BTAF1: variants seen among roughly 807,000 people sequenced by gnomAD.
The protein encoded by BTAF1 is B-TFIID TATA-box binding protein associated factor 1.
A neutral mutation model predicts 227.1 loss-of-function variants in BTAF1; 38 were observed. The ratio of observed to expected loss-of-function variants is 0.17; its 90% CI spans 0.13 to 0.22. The LOEUF (loss-of-function observed/expected upper bound fraction) is 0.22. Among genes scored for constraint, BTAF1 ranks in the 10% least tolerant of loss-of-function variants. The pLI, the probability that BTAF1 is intolerant of heterozygous loss-of-function variation, is 1.00. For synonymous variants in BTAF1, 742 were observed against 751.9 expected, an observed-to-expected ratio of 0.99 and a Z score of 0.21; for missense variants, 1,598 against 2,204.0, an observed-to-expected ratio of 0.73 and a Z score of 5.51.
chr10:91,965,940 G>T (rs566017073), intron 13 of BTAF1, among the ~76,000 whole-genome samples: 1 of 152,300 alleles, frequency 6.6e-6, no homozygotes, highest in African/African-American at 2.4e-5. Flanking sequence ...GTCTTTTTCT[G>T]TGGAGCCATA....
intron 2 of BTAF1, among the ~76,000 whole-genome samples, chr10:91,936,872 GTCT>G (rs1233490545): frequency 1.3e-5 from 2 of 152,110 alleles, no homozygotes; most frequent in African/African-American, 4.8e-5. Flanking sequence ...GTGAGTTCTG[GTCT>G]TCTTCACTCA....
chr10:91,957,778 A>G (rs986833342), intron 8 of BTAF1, among the ~76,000 whole-genome samples: 1 of 152,174 alleles, frequency 6.6e-6, no homozygotes, highest in African/African-American at 2.4e-5. Context: ...TTTAAAAAAC[A>G]TTTATTTAGA....
chr10:91,945,761 T>A (rs1845321764), intron 4 of BTAF1, among the ~76,000 whole-genome samples: 1 of 152,278 alleles, frequency 6.6e-6, no homozygotes, highest in Non-Finnish European at 1.5e-5. Context: ...TACAGATATC[T>A]GTTTGAGTTA....
chr10:91,964,313 C>T (rs1364732639), intron 13 of BTAF1, 112 bp downstream of exon 13: 2 of 1,236,770 alleles, frequency 1.6e-6, no homozygotes, highest in South Asian at 1.5e-5. Context: ...ATTATTTAAG[C>T]TGGAGATGCC....
chr10:92,016,076 T>G (rs1406285528), intron 32 of BTAF1, among the ~76,000 whole-genome samples: 2 of 152,216 alleles, frequency 1.3e-5, no homozygotes, highest in East Asian at 3.8e-4. Context: ...AAATTGAGTC[T>G]TGGACTATTT....
intron 19 of BTAF1, among the ~76,000 whole-genome samples, chr10:91,984,990 T>A (rs1180003174): frequency 6.6e-6 from 1 of 151,854 alleles, no homozygotes; most frequent in Non-Finnish European, 1.5e-5. Flanking sequence ...ATTTGTTTAT[T>A]TTTTTTTGCT....
chr10:91,945,281 G>GT (rs1845289415), intron 4 of BTAF1, among the ~76,000 whole-genome samples: 1 of 151,904 alleles, frequency 6.6e-6, no homozygotes, highest in African/African-American at 2.4e-5. Flanking sequence ...GATGTATCAG[G>GT]TTTTTTAAAT....
At chr10:91,944,960 G>A (rs1442062147) in intron 4 of BTAF1, among the ~76,000 whole-genome samples, 1 of 152,150 alleles carries the variant, frequency 6.6e-6, no homozygotes, top group African/African-American at 2.4e-5. Flanking sequence ...ACAGTATTTA[G>A]TAACATGCTA....
intron 12 of BTAF1, among the ~76,000 whole-genome samples, chr10:91,962,991 A>AT (rs761963734): frequency 6.1e-4 from 92 of 150,068 alleles, no homozygotes; most frequent in Admixed American, 2.4e-3. Context: ...TAGTTTTTGG[A>AT]TTGTTTTTTT....
At chr10:91,993,882 A>G in intron 22 of BTAF1, 35 bp downstream of exon 22, 1 of 1,498,872 alleles carries the variant, frequency 6.7e-7, no homozygotes. Context: ...AGTTTTTAAC[A>G]AATTTTAATG....
intron 2 of BTAF1, among the ~76,000 whole-genome samples, chr10:91,939,503 A>G (rs1844853919): frequency 6.6e-6 from 1 of 152,318 alleles, no homozygotes; most frequent in African/African-American, 2.4e-5. Context: ...CAGTGGCGCC[A>G]TCTCGGCTCA....
chr10:91,985,972 A>G (rs1319667055), intron 19 of BTAF1, among the ~76,000 whole-genome samples: 1 of 150,222 alleles, frequency 6.7e-6, no homozygotes, highest in Non-Finnish European at 1.5e-5. Flanking sequence ...GGTGAATTCT[A>G]ATTTATCAGT....
intron 34 of BTAF1, among the ~76,000 whole-genome samples, chr10:92,019,906 T>TA (rs397762204): frequency 2.7e-5 from 4 of 150,792 alleles, no homozygotes; most frequent in South Asian, 2.1e-4. Context: ...TTTTTTTTTT[T>TA]AATGGGGGTC....
chr10:91,947,735 CAAAA>C lies in BTAF1; in HGVS notation c.401-3649_401-3646del, dbSNP rs34292341. ...TTTAGGACCAGTCTGTCAATGTTTG[CAAAA>C]AAAAAAAAAAAAAAAAAAGCCAGCT... On this transcript the variant is annotated intron_variant, in intron 4 of 37. Transcript: ENST00000265990. Among the ~76,000 whole-genome samples the C allele has an allele frequency of 3.7e-3, 395 of 107,360 alleles. 2 individuals carry two copies. The highest frequency in any genetic ancestry group is 0.015 in the African/African-American group (377 of 25,550). The allele number at this position is 107,360 out of a possible 152,430, so 70.4% of individuals were successfully genotyped here.
chr10:91,982,435 A>G, intron 17 of BTAF1, 152 bp from the exon 18 acceptor site: 1 of 1,057,912 alleles, frequency 9.5e-7, no homozygotes, highest in Non-Finnish European at 1.3e-6. Flanking sequence ...TGAAGACAAG[A>G]TAGTCATTAT....
intron 19 of BTAF1, among the ~76,000 whole-genome samples, 192 bp downstream of exon 19, chr10:91,984,596 A>T (rs998646517): frequency 3.3e-5 from 5 of 152,156 alleles, no homozygotes; most frequent in Admixed American, 3.3e-4. Context: ...AATAACAAAG[A>T]ATTTTTTTTA....
intron 14 of BTAF1, among the ~76,000 whole-genome samples, chr10:91,975,016 A>G (rs1847584687): frequency 6.6e-6 from 1 of 152,194 alleles, no homozygotes; most frequent in South Asian, 2.1e-4. Context: ...GCTAGAGTAC[A>G]CCTATTAATA....
chr10:92,002,197 A>G (rs920945493), intron 25 of BTAF1, among the ~76,000 whole-genome samples: 1 of 152,204 alleles, frequency 6.6e-6, no homozygotes. Flanking sequence ...TTGAAGATAC[A>G]TAGCAATAGA....
intron 14 of BTAF1, among the ~76,000 whole-genome samples, chr10:91,970,261 GTT>G (rs1420996275): frequency 1.3e-5 from 2 of 152,034 alleles, no homozygotes; most frequent in Non-Finnish European, 2.9e-5. Flanking sequence ...GGCCCTCAAT[GTT>G]TGTTAAGTAA....
Sources: gnomAD v4.1 joint callset for allele counts (sites outside exome capture counted in the v4.1 genomes callset) on GRCh38, gnomAD v4.1.1 for gene constraint, MANE v1.5 for transcripts, NCBI Gene and HGNC (gene_info 2026-07-23, HGNC 2026-07-21) for gene names.